Variants in GRIP1 observed in about 807,000 individuals in gnomAD.
GRIP1 encodes the protein glutamate receptor-interacting protein 1.
A neutral mutation model predicts 129.9 loss-of-function variants in GRIP1; 45 were observed. That is an observed-to-expected ratio of 0.35 (90% confidence interval 0.27 to 0.44). The LOEUF is 0.44. Among genes scored for constraint, GRIP1 ranks in the 20% least tolerant of loss-of-function variants. The pLI is 1.00. For synonymous variants in GRIP1, 530 were observed against 520.8 expected (o/e 1.02, Z -0.24); for missense variants, 1,196 against 1,396.8 (o/e 0.86, Z 2.29).
chr12:66,367,851 C>G (rs1162047994), intron 23 of GRIP1, among the ~76,000 whole-genome samples: 3 of 152,178 alleles, frequency 2.0e-5, no homozygotes, highest in Non-Finnish European at 2.9e-5. Flanking sequence ...TTCTCCATCC[C>G]CACACTGAGT....
intron 9 of GRIP1, among the ~76,000 whole-genome samples, chr12:66,456,955 T>C (rs1002261237): frequency 6.6e-6 from 1 of 152,216 alleles, no homozygotes; most frequent in Non-Finnish European, 1.5e-5. Context: ...AAGGAGAAGA[T>C]AAAAGTCTCT....
At chr12:66,719,412 G>A (rs2035991181) in intron 1 of GRIP1, among the ~76,000 whole-genome samples, 1 of 152,112 alleles carries the variant, frequency 6.6e-6, no homozygotes. Context: ...AGTGAGTGAT[G>A]GTTTATAAGC....
intron 1 of GRIP1, among the ~76,000 whole-genome samples, chr12:66,851,064 C>T (rs1054223899): frequency 4.0e-5 from 6 of 150,866 alleles, no homozygotes; most frequent in Non-Finnish European, 7.4e-5. Context: ...AAATAGTAGG[C>T]GCTGAATAAA....
At chr12:66,748,543 G>A (rs2037024871) in intron 1 of GRIP1, among the ~76,000 whole-genome samples, 1 of 152,186 alleles carries the variant, frequency 6.6e-6, no homozygotes, top group African/African-American at 2.4e-5. Flanking sequence ...TCTATCGTAA[G>A]TTCCAACTAA....
At chr12:66,831,178 T>A (rs893939931) in intron 1 of GRIP1, among the ~76,000 whole-genome samples, 1 of 152,046 alleles carries the variant, frequency 6.6e-6, no homozygotes, top group Non-Finnish European at 1.5e-5. Flanking sequence ...CTGAAACTAT[T>A]GCTCAAAAAA....
chr12:66,972,426 G>A (rs903436095), intron 1 of GRIP1, among the ~76,000 whole-genome samples: 1 of 152,196 alleles, frequency 6.6e-6, no homozygotes, highest in Non-Finnish European at 1.5e-5. Flanking sequence ...CTTCAGAGCA[G>A]CTCTGCCCAA....
chr12:66,622,121 T>C (rs2065294097), intron 1 of GRIP1, among the ~76,000 whole-genome samples: 1 of 152,178 alleles, frequency 6.6e-6, no homozygotes, highest in Admixed American at 6.6e-5. Context: ...TCCTTTTTTT[T>C]CTTCTGGTGG....
At chr12:66,699,266 T>C (rs2035268872) in intron 1 of GRIP1, among the ~76,000 whole-genome samples, 1 of 152,192 alleles carries the variant, frequency 6.6e-6, no homozygotes, top group Non-Finnish European at 1.5e-5. Context: ...GGGGCTTCTG[T>C]GGTTCAATAA....
upstream of GRIP1, chr12:66,679,101 A>G: frequency 6.8e-7 from 1 of 1,479,456 alleles, no homozygotes; most frequent in Non-Finnish European, 9.0e-7. Context: ...ATTCACTACT[A>G]CTACCACCCC....
chr12:66,417,746 T>C (rs1291179028), intron 15 of GRIP1, among the ~76,000 whole-genome samples: 1 of 152,106 alleles, frequency 6.6e-6, no homozygotes, highest in Admixed American at 6.6e-5. Flanking sequence ...AAAAGATCTC[T>C]ACAATGAAAA....
At chr12:66,845,439 AGAGTGAGACTCCTCTGTCT>A (rs1662754623) in intron 1 of GRIP1, among the ~76,000 whole-genome samples, 1 of 152,226 alleles carries the variant, frequency 6.6e-6, no homozygotes, top group African/African-American at 2.4e-5. Flanking sequence ...CCTGGGTGAC[AGAGTGAGACTCCTCTGTCT>A]CAAACAAAAC....
intron 1 of GRIP1, among the ~76,000 whole-genome samples, chr12:66,735,843 A>G (rs1415898228): frequency 6.6e-6 from 1 of 151,966 alleles, no homozygotes; most frequent in African/African-American, 2.4e-5. Flanking sequence ...TTTCAGCCTG[A>G]CTCTATCCCA....
intron 1 of GRIP1, among the ~76,000 whole-genome samples, chr12:67,027,091 G>A (rs1416472448): frequency 6.6e-6 from 1 of 152,186 alleles, no homozygotes; most frequent in East Asian, 1.9e-4. Flanking sequence ...CAAGGCAACA[G>A]ATCTTTCTTA....
At chr12:66,558,560 A>C (rs541729434) in intron 2 of GRIP1, among the ~76,000 whole-genome samples, 1 of 152,294 alleles carries the variant, frequency 6.6e-6, no homozygotes, top group South Asian at 2.1e-4. Context: ...ATATGCCAAT[A>C]AATTGGAAAG....
chr12:66,946,496 A>T (rs2041669505), intron 1 of GRIP1, among the ~76,000 whole-genome samples: 1 of 152,096 alleles, frequency 6.6e-6, no homozygotes, highest in South Asian at 2.1e-4. Context: ...AATATATTAC[A>T]ATGACTTTCA....
intron 1 of GRIP1, among the ~76,000 whole-genome samples, chr12:66,796,215 CTT>C (rs2038693303): frequency 6.6e-6 from 1 of 151,958 alleles, no homozygotes; most frequent in Non-Finnish European, 1.5e-5. Flanking sequence ...CCACAGTCGT[CTT>C]TTACCTGTTA....
chr12:66,472,099 C>T (rs1020382287), intron 7 of GRIP1, among the ~76,000 whole-genome samples: 1 of 152,232 alleles, frequency 6.6e-6, no homozygotes, highest in African/African-American at 2.4e-5. Flanking sequence ...TCAGCAGCAG[C>T]ATTAATGTAC....
At position 66,517,940 on chromosome 12, in the gene GRIP1, A is replaced by G. The variant is rs770020880; in HGVS notation, c.539T>C (p.Val180Ala). The G allele has an allele frequency of 1.9e-6, 3 of 1,599,472 alleles. No individual in the cohort carries two copies. Among genetic ancestry groups the G allele is most frequent in the East Asian group, 2.2e-5 (1 of 44,822 alleles). Residue 180 changes from valine (V) to alanine (A), a missense_variant, in exon 6 of 25, where the codon GTT (valine) becomes GCT (alanine). This residue lies in a region of GRIP1 where 217 missense variants were observed against 224.8 expected (regional missense o/e 0.97). Coordinates refer to ENST00000359742, the MANE Select transcript of GRIP1 (RefSeq NM_001366722.1). The stretch of plus-strand genomic sequence containing the variant: ...TCCAGGACGAACACATGTTATCACA[A>G]CTGGACGAGATTTATTTCTATCATC... ...AHDDRNKSRP[V>A]VITCVRPGGP...
chr12:66,817,225 CACACACACACACACACACAT>C (rs1303942664), intron 1 of GRIP1, among the ~76,000 whole-genome samples: 3 of 150,888 alleles, frequency 2.0e-5, no homozygotes, highest in African/African-American at 4.9e-5. Flanking sequence ...CACACACACA[CACACACACACACACACACAT>C]ATATATTTCC....
Sources: allele counts gnomAD v4.1 joint callset (sites outside exome capture counted in the v4.1 genomes callset), GRCh38; gene constraint gnomAD v4.1.1; regional missense constraint gnomAD v4.1.1; transcripts MANE v1.5; gene names NCBI Gene and HGNC (gene_info 2026-07-23, HGNC 2026-07-21).